WAC: variants seen among roughly 807,000 people sequenced by gnomAD.
WAC encodes WW domain-containing adapter protein with coiled-coil.
WAC carries 11 observed loss-of-function variants against 79.6 expected under a neutral mutation model. That is an observed-to-expected ratio of 0.14 (90% CI 0.09 to 0.23). The LOEUF (loss-of-function observed/expected upper bound fraction) is 0.23. Ranked by LOEUF, WAC falls within the 10% of genes least tolerant of loss-of-function variation. The pLI, the probability that WAC is intolerant of heterozygous loss-of-function variation, is 1.00. For missense variants in WAC, 728 were observed against 773.5 expected, an observed-to-expected ratio of 0.94 and a Z score of 0.70; for synonymous variants, 304 against 276.9, an observed-to-expected ratio of 1.10 and a Z score of -0.97.
chr10:28,533,745 G>A, intron 1 of WAC, 125 bp downstream of exon 1: 1 of 1,238,524 alleles, frequency 8.1e-7, no homozygotes, highest in Non-Finnish European at 1.1e-6. Context: ...ATCGGGTTGG[G>A]GAGGAGGAGC....
intron 7 of WAC, 38 bp downstream of exon 7, chr10:28,596,079 A>G (rs771618824): frequency 1.3e-6 from 2 of 1,549,122 alleles, no homozygotes; most frequent in South Asian, 2.5e-5. Flanking sequence ...GTTGAACTAT[A>G]GTTTCTAAGT....
At chr10:28,569,837 T>C (rs1430860829) in intron 3 of WAC, among the ~76,000 whole-genome samples, 1 of 152,258 alleles carries the variant, frequency 6.6e-6, no homozygotes, top group African/African-American at 2.4e-5. Context: ...TTTCCATCTG[T>C]TTCTTTTTGT....
chr10:28,596,007 ATCT>A lies in WAC; in HGVS notation c.889_891del (p.Ser297del), dbSNP rs1195248628. 2 of 1,614,008 alleles carry A rather than the reference ATCT, an allele frequency of 1.2e-6. No homozygotes were observed. Among genetic ancestry groups the A allele is most frequent in the African/African-American group, 2.7e-5 (2 of 74,918 alleles). On this transcript the variant is annotated inframe_deletion, in exon 7 of 14. Coordinates refer to ENST00000354911, the MANE Select transcript of WAC (RefSeq NM_016628.5). ...CTTTATCAAAACTGCCTACACCCAC[ATCT>A]TCTGTCCCTGCACAGAAAACAGAAA... is the stretch of plus-strand genomic sequence containing the variant.
chr10:28,619,230 A>G (rs977991533), intron 13 of WAC, among the ~76,000 whole-genome samples: 5 of 152,222 alleles, frequency 3.3e-5, no homozygotes, highest in African/African-American at 1.2e-4. Context: ...CAGTGAGTCA[A>G]GATTGCACCC....
rs1416021819 is a variant in WAC, at chr10:28,590,723, A to G, written c.501A>G (p.Glu167=). The G allele has an allele frequency of 6.3e-7, 1 of 1,598,418 alleles. No homozygotes were observed. The highest frequency in any genetic ancestry group is 8.5e-7 in the Non-Finnish European group (1 of 1,173,086). The part of the protein sequence containing the change: ...WEKPKEWLER[E]QRQKEANKMA... ...TTATCTTTTTTTTTATTTTTAGAGA[A>G]CAGAGACAAAAAGAAGCAAACAAGA... The change falls in exon 6 of 14, where the codon GAA becomes GAG. Residue 167 remains glutamate (E), a synonymous_variant. Coordinates refer to ENST00000354911, the MANE Select transcript of WAC (RefSeq NM_016628.5).
chr10:28,591,974 A>C (rs1840113614), intron 6 of WAC: 1 of 152,180 alleles, frequency 6.6e-6, no homozygotes, highest in Non-Finnish European at 1.5e-5. Context: ...CTATAACTCA[A>C]ACCAAAAAGT....
At chr10:28,569,506 T>C (rs932983247) in intron 3 of WAC, among the ~76,000 whole-genome samples, 14 of 152,248 alleles carry the variant, frequency 9.2e-5, no homozygotes, top group South Asian at 2.1e-4. Flanking sequence ...TGTATATAGT[T>C]GTGAATTCTC....
In WAC at chr10:28,533,635, C is replaced by T. The variant is rs754558861; in HGVS notation, c.41+15C>T. 3.2e-6 allele frequency: 5 copies of T among 1,575,910 alleles called. No individual in the cohort carries two copies. Among genetic ancestry groups the T allele is most frequent in the Middle Eastern group, 1.9e-4 (1 of 5,178 alleles). The stretch of plus-strand genomic sequence containing the variant: ...CTCAGTGATGGGTAAATTGTCTTTT[C>T]GTTTCGGGCCGGGCGGCGGCGGGGG... On this transcript the variant is annotated intron_variant, in intron 1 of 13. Coordinates refer to ENST00000354911, the MANE Select transcript of WAC (RefSeq NM_016628.5).
intron 3 of WAC, among the ~76,000 whole-genome samples, chr10:28,547,919 T>TC (rs910585255): frequency 6.7e-6 from 1 of 149,402 alleles, no homozygotes. Flanking sequence ...CTTTTTCTTT[T>TC]TTTTTTTTTT....
intron 3 of WAC, among the ~76,000 whole-genome samples, chr10:28,560,237 C>T (rs1375931816): frequency 6.6e-6 from 1 of 152,006 alleles, no homozygotes; most frequent in South Asian, 2.1e-4. Context: ...ACCTGTAGTA[C>T]CAGCTGCTAG....
At position 28,563,744 on chromosome 10, in the gene WAC, CTTTTTTTTTTTT is replaced by C. The variant is rs71281550; in HGVS notation, c.275-19637_275-19626del. Among the ~76,000 whole-genome samples the C allele has an allele frequency of 1.4e-3, 94 of 67,914 alleles. 1 individual carries two copies. The highest frequency in any genetic ancestry group is 0.012 in the South Asian group (17 of 1,448). The allele number at this position is 67,914 out of a possible 152,430, so 44.6% of individuals were successfully genotyped here. A position where few individuals can be genotyped will look rare whatever the true frequency, so the allele number is the denominator to read the frequency against. ...ACAAGTGCATGCTGCCTACACCCAG[CTTTTTTTTTTTT>C]TTTTTTTTTTTTTTTTTGTATTTTT... On this transcript the variant is annotated intron_variant, in intron 3 of 13. Coordinates refer to ENST00000354911, the MANE Select transcript of WAC (RefSeq NM_016628.5).
chr10:28,603,377 A>G lies in WAC; in HGVS notation c.920-4809A>G, dbSNP rs201007700. ...TAGTCTAGGTTTCCTTAATGCTTGG[A>G]AAAGTTTGCATTGAAGCAGTGAGAG... On this transcript the variant is annotated intron_variant, in intron 7 of 13. Transcript: ENST00000354911. Among the ~76,000 whole-genome samples the G allele has an allele frequency of 9.9e-5, 15 of 152,262 alleles. 1 individual carries two copies. The East Asian group carries it at 1.9e-3, about 20-fold the overall frequency.
chr10:28,575,727 T>TA, intron 3 of WAC, among the ~76,000 whole-genome samples: 1 of 152,248 alleles, frequency 6.6e-6, no homozygotes, highest in East Asian at 1.9e-4. Context: ...GTAAAAGTCT[T>TA]ACCAGATGTA....
intron 3 of WAC, among the ~76,000 whole-genome samples, chr10:28,552,771 A>C (rs1837751407): frequency 6.6e-6 from 1 of 151,228 alleles, no homozygotes; most frequent in African/African-American, 2.4e-5. Context: ...GTATTAGAAC[A>C]GTCTTGGGAT....
chr10:28,557,713 A>T (rs1398500818), intron 3 of WAC, among the ~76,000 whole-genome samples: 2 of 152,092 alleles, frequency 1.3e-5, no homozygotes, highest in Admixed American at 1.3e-4. Flanking sequence ...AAAAAGGAAT[A>T]GCTTTATTAA....
intron 3 of WAC, among the ~76,000 whole-genome samples, chr10:28,580,019 C>T (rs1440969246): frequency 6.6e-6 from 1 of 152,092 alleles, no homozygotes; most frequent in Non-Finnish European, 1.5e-5. Context: ...TATCTTACTC[C>T]TCACCCATTT....
chr10:28,604,387 T>G (rs946998782), intron 7 of WAC, among the ~76,000 whole-genome samples: 1 of 152,056 alleles, frequency 6.6e-6, no homozygotes, highest in Non-Finnish European at 1.5e-5. Flanking sequence ...AGCAAGTGTA[T>G]GTTGATGCCA....
chr10:28,557,160 A>G (rs1343773561), intron 3 of WAC, among the ~76,000 whole-genome samples: 1 of 152,072 alleles, frequency 6.6e-6, no homozygotes, highest in African/African-American at 2.4e-5. Flanking sequence ...ACAACTGGTA[A>G]TATAGGTGTT....
chr10:28,556,657 TC>T (rs1385136816), intron 3 of WAC, among the ~76,000 whole-genome samples: 1 of 152,040 alleles, frequency 6.6e-6, no homozygotes. Flanking sequence ...AGCTGTTTTG[TC>T]CCCTATGTTT....
Sources: allele counts gnomAD v4.1 joint callset (sites outside exome capture counted in the v4.1 genomes callset), GRCh38; gene constraint gnomAD v4.1.1; transcripts MANE v1.5; gene names NCBI Gene and HGNC (gene_info 2026-07-23, HGNC 2026-07-21).